Variants in SHC3 observed in about 807,000 individuals in gnomAD.
SHC3 encodes SHC-transforming protein 3.
A neutral mutation model predicts 60.4 loss-of-function variants in SHC3; 15 were observed. The ratio of observed to expected loss-of-function variants is 0.25; its 90% CI spans 0.17 to 0.38. The LOEUF (loss-of-function observed/expected upper bound fraction) is 0.38. SHC3 is among the 10% of genes least tolerant of loss of function. The probability of loss-of-function intolerance (pLI) is 1.00; values close to 1 mark genes in which losing one functional copy is unlikely to be tolerated. For missense variants in SHC3, 677 were observed against 786.1 expected, an observed-to-expected ratio of 0.86 and a Z score of 1.66; for synonymous variants, 294 against 325.9, an observed-to-expected ratio of 0.90 and a Z score of 1.05.
At chr9:89,169,097 TA>T (rs1236033802) in intron 1 of SHC3, among the ~76,000 whole-genome samples, 1 of 152,234 alleles carries the variant, frequency 6.6e-6, no homozygotes, top group African/African-American at 2.4e-5. Context: ...ATCTCTTTTT[TA>T]ATAAGCAACT....
intron 2 of SHC3, among the ~76,000 whole-genome samples, chr9:89,082,971 A>C (rs531071402): frequency 3.3e-5 from 5 of 152,296 alleles, no homozygotes; most frequent in African/African-American, 9.6e-5. Context: ...GAAGTTTTCA[A>C]ACACAGCCTT....
At chr9:89,110,051 C>A in intron 2 of SHC3, 1 of 985,396 alleles carries the variant, frequency 1.0e-6, no homozygotes, top group Non-Finnish European at 1.2e-6. Flanking sequence ...CTCCTCAGAA[C>A]CCAGCCAATA....
Position 89,037,987 on chromosome 9 carries a change from G to T in SHC3, c.1656+6C>A. ...AGGTCCGGCCCCACCCCCACTGGGT[G>T]CTCACCGTGCCTTCTGGGTCCACGA... is the stretch of plus-strand genomic sequence containing the variant. On this transcript the variant is annotated splice_donor_region_variant and intron_variant, in intron 11 of 11. Coordinates refer to ENST00000375835, the MANE Select transcript of SHC3 (RefSeq NM_016848.6). The T allele has an allele frequency of 2.6e-5, 42 of 1,604,674 alleles. No homozygotes were observed. The highest frequency in any genetic ancestry group is 3.6e-5 in the Non-Finnish European group (42 of 1,179,378).
intron 1 of SHC3, among the ~76,000 whole-genome samples, chr9:89,176,372 G>C (rs1826942291): frequency 6.6e-6 from 1 of 152,176 alleles, no homozygotes; most frequent in Non-Finnish European, 1.5e-5. Context: ...CAAAAGCAAA[G>C]TTCTAAGCAA....
At chr9:89,059,594 T>C (rs1410400809) in intron 6 of SHC3, among the ~76,000 whole-genome samples, 1 of 93,784 alleles carries the variant, frequency 1.1e-5, no homozygotes, top group East Asian at 3.7e-4. Context: ...GTGGAGGACA[T>C]GGTGTAGGAC....
chr9:89,054,782 C>A (rs1458871708), intron 6 of SHC3, among the ~76,000 whole-genome samples: 1 of 152,250 alleles, frequency 6.6e-6, no homozygotes, highest in Non-Finnish European at 1.5e-5. Context: ...GGGAATTCCA[C>A]AGTCCTCATT....
At position 89,178,549 on chromosome 9, in the gene SHC3, C is replaced by T. The variant is rs968390592; in HGVS notation, c.-89G>A. ...CGCGCATAGCAGGCGAGCCACTGTC[C>T]CCGGAGCGGGACGGAGAGTGGGGGC... On this transcript the variant is annotated 5_prime_UTR_variant, in exon 1 of 12. Transcript: ENST00000375835. The surrounding 1 kb of genome is among the most constrained non-coding windows in gnomAD (Gnocchi z 6.9). The T allele has an allele frequency of 2.3e-6, 3 of 1,298,612 alleles. No homozygotes were observed. The highest frequency in any genetic ancestry group is 1.6e-5 in the African/African-American group (1 of 64,508). The allele number at this position is 1,298,612 out of a possible 1,614,324, so 80.4% of individuals were successfully genotyped here.
chr9:89,079,848 G>T (rs936539292), intron 2 of SHC3, among the ~76,000 whole-genome samples: 2 of 152,200 alleles, frequency 1.3e-5, no homozygotes, highest in African/African-American at 4.8e-5. Context: ...GATCCCACTT[G>T]TGAGTCTTTA....
intron 5 of SHC3, among the ~76,000 whole-genome samples, chr9:89,066,720 G>T (rs558614077): frequency 2.0e-5 from 3 of 152,102 alleles, no homozygotes; most frequent in African/African-American, 7.2e-5. Flanking sequence ...TTATTGATAC[G>T]CTCCCGATGT....
intron 1 of SHC3, among the ~76,000 whole-genome samples, chr9:89,113,295 A>C (rs892205512): frequency 6.6e-6 from 1 of 152,200 alleles, no homozygotes; most frequent in Non-Finnish European, 1.5e-5. Context: ...ACATAGCTAA[A>C]GTTATGGATA....
At chr9:89,066,725 C>T (rs1825188849) in intron 5 of SHC3, among the ~76,000 whole-genome samples, 3 of 152,152 alleles carry the variant, frequency 2.0e-5, no homozygotes, top group Non-Finnish European at 2.9e-5. Flanking sequence ...GATACGCTCC[C>T]GATGTTGCCA....
intron 1 of SHC3, among the ~76,000 whole-genome samples, chr9:89,142,815 G>T (rs1165204438): frequency 1.3e-5 from 2 of 151,962 alleles, no homozygotes; most frequent in Non-Finnish European, 2.9e-5. Flanking sequence ...TCAGCCAATT[G>T]GTGTGTGTAC....
At chr9:89,121,467 T>A (rs779014524) in intron 1 of SHC3, among the ~76,000 whole-genome samples, 32 of 152,112 alleles carry the variant, frequency 2.1e-4, no homozygotes, top group Non-Finnish European at 5.9e-5. Context: ...ATTTTGTATT[T>A]TTAGTAGAGA....
At chr9:89,022,759 C>G (rs1465842828) in intron 11 of SHC3, among the ~76,000 whole-genome samples, 1 of 152,076 alleles carries the variant, frequency 6.6e-6, no homozygotes, top group Non-Finnish European at 1.5e-5. Flanking sequence ...CCCCTAGTGC[C>G]CGTCTTTAAA....
chr9:89,139,269 C>A (rs554075442), intron 1 of SHC3, among the ~76,000 whole-genome samples: 7 of 152,184 alleles, frequency 4.6e-5, no homozygotes, highest in Non-Finnish European at 7.3e-5. Context: ...AACTCAAAAA[C>A]AACCAATGAG....
intron 2 of SHC3, among the ~76,000 whole-genome samples, chr9:89,107,245 C>A (rs1027750905): frequency 6.6e-6 from 1 of 152,146 alleles, no homozygotes; most frequent in Non-Finnish European, 1.5e-5. Flanking sequence ...TCTCCCAGGC[C>A]GCAAGGACCC....
intron 1 of SHC3, among the ~76,000 whole-genome samples, chr9:89,145,139 T>C (rs1162111294): frequency 6.6e-6 from 1 of 151,864 alleles, no homozygotes; most frequent in Non-Finnish European, 1.5e-5. Flanking sequence ...AATAAGCAAA[T>C]CCCTAAAACA....
At chr9:89,143,966 T>C (rs1564176930) in intron 1 of SHC3, among the ~76,000 whole-genome samples, 2 of 151,964 alleles carry the variant, frequency 1.3e-5, no homozygotes. Flanking sequence ...GGCCTTAGGG[T>C]GGTGGTGTGG....
Position 89,029,842 on chromosome 9 carries a change from A to G in SHC3, c.1656+8151T>C, listed in dbSNP as rs577838027. ...GTAAAAAAAGTACATATGTAATGCA[A>G]TGTTATGCCTAATATATAGAACTAT... On this transcript the variant is annotated intron_variant, in intron 11 of 11. Coordinates refer to ENST00000375835, the MANE Select transcript of SHC3 (RefSeq NM_016848.6). Among the ~76,000 whole-genome samples the G allele has an allele frequency of 2.6e-4, 40 of 152,330 alleles. 1 individual carries two copies. Among genetic ancestry groups the G allele is most frequent in the Admixed American group, 2.4e-3 (37 of 15,288 alleles).
Sources: gnomAD v4.1 joint callset for allele counts (sites outside exome capture counted in the v4.1 genomes callset) on GRCh38, gnomAD v4.1.1 for gene constraint, Gnocchi (gnomAD v3.1) non-coding constraint, MANE v1.5 for transcripts, NCBI Gene and HGNC (gene_info 2026-07-23, HGNC 2026-07-21) for gene names.